The following PBX1 variants were observed in gnomAD, a reference collection of about 807,000 sequenced individuals.
PBX1 encodes the protein PBX homeobox 1, also known as pre-B-cell leukemia transcription factor 1.
A neutral mutation model predicts 53.4 loss-of-function variants in PBX1; 6 were observed. The observed-to-expected ratio is 0.11, with a 90% CI of 0.06 to 0.22. PBX1 has a LOEUF of 0.22. Among genes scored for constraint, PBX1 ranks in the 10% least tolerant of loss-of-function variants. The probability of loss-of-function intolerance (pLI) is 1.00; values close to 1 mark genes in which losing one functional copy is unlikely to be tolerated. For synonymous variants in PBX1, 204 were observed against 212.3 expected (o/e 0.96, Z 0.34); for missense variants, 251 against 551.4 (o/e 0.46, Z 5.46).
intron 6 of PBX1, chr1:164,814,841 A>G (rs1217118386): frequency 6.6e-6 from 1 of 152,258 alleles, no homozygotes; most frequent in Non-Finnish European, 1.5e-5. Context: ...CACTTCAGTA[A>G]GATTACTTCC....
At chr1:164,868,641 G>C (rs1263315662) in intron 2 of PBX1, among the ~76,000 whole-genome samples, 1 of 152,188 alleles carries the variant, frequency 6.6e-6, no homozygotes, top group East Asian at 1.9e-4. Context: ...CTGTCTCTCT[G>C]ATTCCTAAAG....
chr1:164,745,773 C>G (rs1215912682), intron 2 of PBX1, among the ~76,000 whole-genome samples: 1 of 152,170 alleles, frequency 6.6e-6, no homozygotes. Context: ...AGGACTTTTC[C>G]AAGAGCCTTC....
chr1:164,645,688 G>A (rs1008295302), intron 2 of PBX1, among the ~76,000 whole-genome samples: 3 of 152,136 alleles, frequency 2.0e-5, no homozygotes, highest in South Asian at 2.1e-4. Context: ...TTGCCAACAC[G>A]TACACACAGA....
intron 2 of PBX1, among the ~76,000 whole-genome samples, chr1:164,657,832 C>T (rs948143987): frequency 6.6e-6 from 1 of 152,188 alleles, no homozygotes; most frequent in African/African-American, 2.4e-5. Flanking sequence ...TTGACCACTA[C>T]AGTTTAAGCC....
intron 2 of PBX1, among the ~76,000 whole-genome samples, chr1:164,761,035 C>CT (rs1666785994): frequency 6.6e-6 from 1 of 152,186 alleles, no homozygotes. Context: ...CCCCACCCAT[C>CT]TTTTTCTTTT....
rs558553237 is a variant in PBX1 at position 164,614,607 on chromosome 1, C to T, written c.265+51296C>T. Among the ~76,000 whole-genome samples, 4 of 152,238 alleles carry T rather than the reference C, an allele frequency of 2.6e-5. No individual in the cohort carries two copies. The East Asian group carries it at 5.8e-4, about 22-fold the overall frequency. On this transcript the variant is annotated intron_variant, in intron 2 of 8. Coordinates refer to ENST00000420696, the MANE Select transcript of PBX1 (RefSeq NM_002585.4). ...TGGTGCGCTATGCTGCTTCACTCTGCCTGTTTCAACCCTGTGAAATATGGA... is the reference window on the plus strand; with the variant it reads ...TGGTGCGCTATGCTGCTTCACTCTGTCTGTTTCAACCCTGTGAAATATGGA...
intron 8 of PBX1, among the ~76,000 whole-genome samples, chr1:164,835,238 GGTTT>G (rs960967296): frequency 9.7e-5 from 12 of 123,532 alleles, no homozygotes; most frequent in African/African-American, 4.0e-4. Context: ...TTTTGATTTT[GGTTT>G]TTTTTTTTTT....
intron 2 of PBX1, among the ~76,000 whole-genome samples, chr1:164,600,047 A>G (rs1202104606): frequency 6.6e-6 from 1 of 152,104 alleles, no homozygotes; most frequent in Non-Finnish European, 1.5e-5. Flanking sequence ...ACCTGTCCTA[A>G]TGTTGAGTAC....
At chr1:164,786,700 T>G (rs975805583) in intron 2 of PBX1, among the ~76,000 whole-genome samples, 1 of 147,396 alleles carries the variant, frequency 6.8e-6, no homozygotes, top group African/African-American at 2.6e-5. Flanking sequence ...TGTGTGTGTG[T>G]GTGTGTGTGT....
In PBX1 at chr1:164,559,574, C is replaced by A. The variant is rs943164278; in HGVS notation, c.-249C>A. 2 of 409,196 alleles carry A rather than the reference C, an allele frequency of 4.9e-6. No individual in the cohort carries two copies. The highest frequency in any genetic ancestry group is 4.3e-5 in the Admixed American group (1 of 23,476). The allele number at this position is 409,196 out of a possible 1,614,324, so 25.3% of individuals were successfully genotyped here. ...TTTTGGAGTCAACACCCTTCCCCAC[C>A]AGCCCTTATCCCCACCCTCACCCCG... is the stretch of plus-strand genomic sequence containing the variant. On this transcript the variant is annotated 5_prime_UTR_variant, in exon 1 of 9. Transcript: ENST00000420696.
intron 2 of PBX1, among the ~76,000 whole-genome samples, chr1:164,766,664 G>T (rs1302300695): frequency 6.6e-6 from 1 of 151,278 alleles, no homozygotes; most frequent in African/African-American, 2.4e-5. Flanking sequence ...CTTATCAATG[G>T]CTTCCAGTTT....
intron 2 of PBX1, among the ~76,000 whole-genome samples, chr1:164,772,077 G>T (rs1411538180): frequency 6.6e-6 from 1 of 152,238 alleles, no homozygotes; most frequent in Non-Finnish European, 1.5e-5. Context: ...TCTCAGGAAA[G>T]CACCTGATAG....
chr1:164,680,361 T>G (rs1442624426), intron 2 of PBX1: 2 of 152,230 alleles, frequency 1.3e-5, no homozygotes, highest in Non-Finnish European at 2.9e-5. Context: ...AATTACAGAT[T>G]CATGAGGGAT....
chr1:164,570,197 C>A (rs1240051180), intron 2 of PBX1, among the ~76,000 whole-genome samples: 3 of 152,082 alleles, frequency 2.0e-5, no homozygotes, highest in African/African-American at 7.2e-5. Context: ...GCAACCTGAC[C>A]TTTTCTTTTT....
At chr1:164,702,618 C>T (rs1195607422) in intron 2 of PBX1, among the ~76,000 whole-genome samples, 1 of 151,824 alleles carries the variant, frequency 6.6e-6, no homozygotes, top group Non-Finnish European at 1.5e-5. Flanking sequence ...TGTGCTTCTA[C>T]AGTGGCAGGT....
At chr1:164,807,922 A>G (rs973746991) in intron 5 of PBX1, among the ~76,000 whole-genome samples, 9 of 152,244 alleles carry the variant, frequency 5.9e-5, no homozygotes, top group African/African-American at 1.9e-4. Flanking sequence ...ATGTAAAAAC[A>G]GGATTAGGGT....
intron 2 of PBX1, among the ~76,000 whole-genome samples, chr1:164,879,293 G>A (rs2102463731): frequency 6.6e-6 from 1 of 152,262 alleles, no homozygotes; most frequent in South Asian, 2.1e-4. Flanking sequence ...GGGGGCTAGG[G>A]AATGAAAGAT....
chr1:164,713,103 A>G (rs188723503), intron 2 of PBX1, among the ~76,000 whole-genome samples: 1 of 152,304 alleles, frequency 6.6e-6, no homozygotes, highest in Admixed American at 6.5e-5. Context: ...ATGTCAGCAG[A>G]GGTCCCACCA....
intron 2 of PBX1, among the ~76,000 whole-genome samples, chr1:164,748,440 C>G (rs71628347): frequency 6.6e-6 from 1 of 152,154 alleles, no homozygotes; most frequent in Non-Finnish European, 1.5e-5. Context: ...TGATTCCTGC[C>G]GGCTTTGTTG....
Sources: gnomAD v4.1 joint callset for allele counts (sites outside exome capture counted in the v4.1 genomes callset) on GRCh38, gnomAD v4.1.1 for gene constraint, MANE v1.5 for transcripts, NCBI Gene and HGNC (gene_info 2026-07-23, HGNC 2026-07-21) for gene names.